The following SIRPD variants were observed in gnomAD, a reference collection of about 807,000 sequenced individuals.
SIRPD encodes the protein signal-regulatory protein delta.
SIRPD carries 21 observed loss-of-function variants against 18.0 expected under a neutral mutation model. That is an observed-to-expected ratio of 1.17 (90% CI 0.83 to 1.68). The LOEUF (loss-of-function observed/expected upper bound fraction) is 1.68. Ranked by LOEUF, SIRPD falls within the 40% of genes most tolerant of loss-of-function variation. The pLI is 0.00. For missense variants in SIRPD, 295 were observed against 238.4 expected (o/e 1.24, Z -1.56); for synonymous variants, 106 against 92.9 (o/e 1.14, Z -0.81).
chr20:1,556,078 T>G (rs1473951189), intron 1 of SIRPD, among the ~76,000 whole-genome samples: 1 of 152,222 alleles, frequency 6.6e-6, no homozygotes, highest in African/African-American at 2.4e-5. Context: ...CCTTGCTTCT[T>G]TAAGGCCAGA....
intron 2 of SIRPD, among the ~76,000 whole-genome samples, chr20:1,543,225 C>A (rs951124581): frequency 2.0e-5 from 3 of 152,118 alleles, no homozygotes; most frequent in Admixed American, 1.3e-4. Flanking sequence ...TCCTCTTGTA[C>A]CTCTGGTAGA....
intron 2 of SIRPD, among the ~76,000 whole-genome samples, chr20:1,539,948 C>A (rs1020120717): frequency 1.3e-5 from 2 of 152,280 alleles, no homozygotes; most frequent in African/African-American, 4.8e-5. Flanking sequence ...TTAAAAGAGA[C>A]CTTAAACCAA....
chr20:1,546,853 T>G (rs2090995786), intron 2 of SIRPD, among the ~76,000 whole-genome samples: 1 of 152,264 alleles, frequency 6.6e-6, no homozygotes, highest in South Asian at 2.1e-4. Flanking sequence ...GAGCTCCTTT[T>G]GATGTGCTTA....
intron 2 of SIRPD, among the ~76,000 whole-genome samples, chr20:1,542,500 CTT>C (rs2090976470): frequency 6.6e-6 from 1 of 152,278 alleles, no homozygotes; most frequent in African/African-American, 2.4e-5. Context: ...TATCCTGAGA[CTT>C]TGTCGAATTT....
chr20:1,551,052 A>T (rs1044178684), intron 2 of SIRPD, among the ~76,000 whole-genome samples: 32 of 152,198 alleles, frequency 2.1e-4, no homozygotes, highest in Admixed American at 2.0e-3. Flanking sequence ...GACTTTTATC[A>T]TTCTTGTAGC....
chr20:1,546,657 C>T (rs2090994948), intron 2 of SIRPD, among the ~76,000 whole-genome samples: 1 of 152,194 alleles, frequency 6.6e-6, no homozygotes, highest in African/African-American at 2.4e-5. Context: ...GTTTGAGGAG[C>T]TGCCTATCTA....
chr20:1,545,067 T>C (rs1360274886), intron 2 of SIRPD, among the ~76,000 whole-genome samples: 1 of 152,230 alleles, frequency 6.6e-6, no homozygotes, highest in Non-Finnish European at 1.5e-5. Flanking sequence ...CATTTCAACC[T>C]TGGTGAATCT....
At chr20:1,540,030 G>A (rs1267669777) in intron 2 of SIRPD, 1 of 239,182 alleles carries the variant, frequency 4.2e-6, no homozygotes, top group Non-Finnish European at 8.4e-6. Flanking sequence ...TTTGTTGTTT[G>A]AAATCACTAA....
At chr20:1,540,380 A>G in intron 2 of SIRPD, 3 of 453,528 alleles carry the variant, frequency 6.6e-6, no homozygotes, top group South Asian at 4.7e-5. Flanking sequence ...TACTTCATAC[A>G]CCATACAATT....
chr20:1,541,636 A>G (rs949195864), intron 2 of SIRPD, among the ~76,000 whole-genome samples: 3 of 152,050 alleles, frequency 2.0e-5, no homozygotes, highest in Non-Finnish European at 4.4e-5. Context: ...GAAGCTCTTT[A>G]GTTTACTTAG....
intron 1 of SIRPD, among the ~76,000 whole-genome samples, chr20:1,553,295 G>C (rs1352606109): frequency 6.6e-6 from 1 of 152,160 alleles, no homozygotes; most frequent in Non-Finnish European, 1.5e-5. Flanking sequence ...TCTCAGACTG[G>C]ACTGTGGTGA....
At chr20:1,543,093 C>A (rs1313277517) in intron 2 of SIRPD, among the ~76,000 whole-genome samples, 1 of 152,100 alleles carries the variant, frequency 6.6e-6, no homozygotes, top group African/African-American at 2.4e-5. Context: ...CTGAAATTTT[C>A]TTTTTTTGTT....
rs57346343 is a variant in SIRPD, at chr20:1,546,551, T to A, written c.421+5140A>T. ...TAGTGTGAATGCTGTTATAAACATTTGTGCACAAATTTTTGTGTGAACATA... is the reference window on the plus strand; with the variant it reads ...TAGTGTGAATGCTGTTATAAACATTAGTGCACAAATTTTTGTGTGAACATA... On this transcript the variant is annotated intron_variant, in intron 2 of 3. Transcript: ENST00000381623. Among the ~76,000 whole-genome samples the A allele has an allele frequency of 9.1e-3, 1,389 of 152,318 alleles. 22 individuals carry two copies. The highest frequency in any genetic ancestry group is 0.033 in the African/African-American group (1,354 of 41,568).
At chr20:1,551,040 G>A (rs913514335) in intron 2 of SIRPD, among the ~76,000 whole-genome samples, 3 of 152,176 alleles carry the variant, frequency 2.0e-5, no homozygotes, top group African/African-American at 7.2e-5. Context: ...TGTGGGATGT[G>A]CGACTTTTAT....
intron 3 of SIRPD, 33 bp downstream of exon 3, chr20:1,537,122 T>C (rs2090949198): frequency 6.2e-7 from 1 of 1,606,712 alleles, no homozygotes; most frequent in Non-Finnish European, 8.5e-7. Context: ...AGAGCATCCC[T>C]GCATCATGGT....
intron 2 of SIRPD, 146 bp from the exon 3 acceptor site, chr20:1,537,456 G>T: frequency 1.1e-6 from 1 of 946,990 alleles, no homozygotes; most frequent in East Asian, 2.6e-5. Context: ...TGATATAAGG[G>T]TCCCAAGGTG....
At position 1,555,648 on chromosome 20, in the gene SIRPD, C is replaced by A. The variant is rs191811689; in HGVS notation, c.73+1933G>T. On this transcript the variant is annotated intron_variant, in intron 1 of 3. Coordinates refer to ENST00000381623, the MANE Select transcript of SIRPD (RefSeq NM_178460.3). ...TAAAACCAAGATAAAATTTAAAAAA[C>A]CATCAAGTTGTACACCTTTAAAAAC... Among the ~76,000 whole-genome samples, 1,133 of 152,172 alleles carry A rather than the reference C, an allele frequency of 7.4e-3. 54 individuals are homozygous for A. The highest frequency in any genetic ancestry group is 0.069 in the Admixed American group (1,050 of 15,276).
chr20:1,557,687 G>C lies in SIRPD; in HGVS notation c.-34C>G, dbSNP rs776540499. 3 of 1,605,362 alleles carry C rather than the reference G, an allele frequency of 1.9e-6. No homozygotes were observed. The highest frequency in any genetic ancestry group is 2.6e-6 in the Non-Finnish European group (3 of 1,174,104). The stretch of plus-strand genomic sequence containing the variant: ...AACCTGGAGCTTGCTCTGCCTGAAT[G>C]CCTGTCCTGGAGATGCCCTCGACTC... On this transcript the variant is annotated 5_prime_UTR_variant, in exon 1 of 4. Coordinates refer to ENST00000381623, the MANE Select transcript of SIRPD (RefSeq NM_178460.3).
intron 3 of SIRPD, among the ~76,000 whole-genome samples, chr20:1,534,807 C>T (rs2090938330): frequency 2.0e-5 from 3 of 152,194 alleles, no homozygotes; most frequent in Admixed American, 2.0e-4. Context: ...TAATATATTA[C>T]TGATATTGAG....
Sources: gnomAD v4.1 joint callset for allele counts (sites outside exome capture counted in the v4.1 genomes callset) on GRCh38, gnomAD v4.1.1 for gene constraint, MANE v1.5 for transcripts, NCBI Gene and HGNC (gene_info 2026-07-23, HGNC 2026-07-21) for gene names.